GLI2: variants seen among roughly 807,000 people sequenced by gnomAD.
The protein encoded by GLI2 is transcription activator GLI2.
GLI2 carries 22 observed loss-of-function variants against 78.9 expected under a neutral mutation model. That is an observed-to-expected ratio of 0.28 (90% CI 0.20 to 0.40). The LOEUF (loss-of-function observed/expected upper bound fraction) is 0.40, where lower values mean the gene tolerates loss of function less well. Ranked by LOEUF, GLI2 falls within the 10% of genes least tolerant of loss-of-function variation. GLI2 has a pLI of 1.00. For missense variants in GLI2, 2,097 were observed against 2,213.2 expected (o/e 0.95, Z 1.05); for synonymous variants, 974 against 963.7 (o/e 1.01, Z -0.20).
At chr2:120,966,679 C>T (rs1311374881) in intron 5 of GLI2, among the ~76,000 whole-genome samples, 4 of 152,202 alleles carry the variant, frequency 2.6e-5, no homozygotes, top group African/African-American at 7.2e-5. Flanking sequence ...GGGGCTGGGC[C>T]GGGCATGGTT....
chr2:120,815,305 G>C (rs1338663901), intron 2 of GLI2, among the ~76,000 whole-genome samples: 1 of 152,184 alleles, frequency 6.6e-6, no homozygotes, highest in Admixed American at 6.5e-5. Context: ...TGAAGCCGGG[G>C]AGAGAAAGCA....
chr2:120,864,540 C>T (rs369781046), intron 2 of GLI2, among the ~76,000 whole-genome samples: 3 of 152,222 alleles, frequency 2.0e-5, no homozygotes, highest in East Asian at 3.9e-4. Context: ...GGCACGATCT[C>T]GGCTCACTGC....
At chr2:120,897,715 T>G (rs76002107) in intron 2 of GLI2, among the ~76,000 whole-genome samples, 262 of 152,352 alleles carry the variant, frequency 1.7e-3, no homozygotes, top group African/African-American at 5.7e-3. Flanking sequence ...CGTTAACATG[T>G]CTGATCTCAG....
At chr2:120,817,239 G>A (rs992154666) in intron 2 of GLI2, among the ~76,000 whole-genome samples, 1 of 152,210 alleles carries the variant, frequency 6.6e-6, no homozygotes, top group Non-Finnish European at 1.5e-5. Flanking sequence ...ACCACACAGG[G>A]AAGTGCGTAA....
At chr2:120,892,689 T>C in intron 2 of GLI2, among the ~76,000 whole-genome samples, 1 of 152,220 alleles carries the variant, frequency 6.6e-6, no homozygotes, top group East Asian at 1.9e-4. Flanking sequence ...AACAAATGTC[T>C]ATGGCAGAAC....
At chr2:120,881,901 T>G (rs533874237) in intron 2 of GLI2, among the ~76,000 whole-genome samples, 1 of 151,748 alleles carries the variant, frequency 6.6e-6, no homozygotes, top group South Asian at 2.1e-4. Flanking sequence ...CATGAACTTT[T>G]GGAATAGCAA....
intron 1 of GLI2, among the ~76,000 whole-genome samples, chr2:120,748,356 C>T (rs1192299944): frequency 6.6e-6 from 1 of 152,172 alleles, no homozygotes; most frequent in Non-Finnish European, 1.5e-5. Context: ...TTTAATTAAC[C>T]AGTTTGCCTG....
At chr2:120,745,214 G>A (rs1440183110) in intron 1 of GLI2, among the ~76,000 whole-genome samples, 2 of 152,196 alleles carry the variant, frequency 1.3e-5, no homozygotes, top group Non-Finnish European at 2.9e-5. Context: ...TTTATGTGCT[G>A]TAGGTTCTGT....
In GLI2 at chr2:120,972,054, G is replaced by T. The variant is rs144819008; in HGVS notation, c.1173G>T (p.Ala391=). 2 of 1,613,150 alleles carry T rather than the reference G, an allele frequency of 1.2e-6. No individual in the cohort carries two copies. Among genetic ancestry groups the T allele is most frequent in the African/African-American group, 1.3e-5 (1 of 75,046 alleles). Residue 391 remains alanine, a synonymous_variant, in exon 8 of 14, where the codon GCG becomes GCT. Coordinates refer to ENST00000361492, the MANE Select transcript of GLI2 (RefSeq NM_001374353.1). ...GCCTGCGGCCGGCCTCCCCTCTGGC[G>T]CTGACGCAGGTAACCTGCTGCCAGC... is the stretch of plus-strand genomic sequence containing the variant. The part of the protein sequence containing the change: ...PEGLRPASPL[A]LTQEQLADLK...
chr2:120,883,288 C>A lies in GLI2; in HGVS notation c.149-44073C>A, dbSNP rs112319821. On this transcript the variant is annotated intron_variant, in intron 2 of 13. Transcript: ENST00000361492. The stretch of plus-strand genomic sequence containing the variant: ...ATCGCTTGAGCCCAGGAGTTTGAGA[C>A]AAGCCTGGGCAACATGGCAAAACCC... 8.5e-3 allele frequency among the ~76,000 whole-genome samples: 1,288 copies of A among 152,204 alleles called. 11 individuals carry two copies. Among genetic ancestry groups the A allele is most frequent in the Non-Finnish European group, 0.014 (979 of 68,004 alleles).
intron 2 of GLI2, among the ~76,000 whole-genome samples, chr2:120,881,054 C>T (rs967455637): frequency 6.6e-6 from 1 of 152,234 alleles, no homozygotes; most frequent in African/African-American, 2.4e-5. Context: ...GGGGGCAAGT[C>T]ACTAACCTTA....
chr2:120,740,863 A>AGAGGGAG (rs1452294086), intron 1 of GLI2, among the ~76,000 whole-genome samples: 1 of 152,096 alleles, frequency 6.6e-6, no homozygotes, highest in Admixed American at 6.5e-5. Flanking sequence ...GCAGGCAGCT[A>AGAGGGAG]GAGGGAGGAG....
At chr2:120,801,023 C>T (rs572959878) in intron 2 of GLI2, among the ~76,000 whole-genome samples, 1 of 152,324 alleles carries the variant, frequency 6.6e-6, no homozygotes, top group Admixed American at 6.5e-5. Context: ...CATGCAGCCT[C>T]CCCCACCCCT....
chr2:120,785,998 G>T (rs1683986607), intron 1 of GLI2, among the ~76,000 whole-genome samples: 1 of 152,204 alleles, frequency 6.6e-6, no homozygotes, highest in South Asian at 2.1e-4. Context: ...CTTTCTGGGT[G>T]CCAGACTCTG....
chr2:120,747,056 T>C (rs1682716817), intron 1 of GLI2, among the ~76,000 whole-genome samples: 1 of 152,242 alleles, frequency 6.6e-6, no homozygotes, highest in South Asian at 2.1e-4. Context: ...AATACTGGGA[T>C]AGACATCCTT....
chr2:120,820,685 C>T (rs56683803), intron 2 of GLI2, among the ~76,000 whole-genome samples: 3,639 of 152,348 alleles, frequency 0.024, 133 homozygotes, highest in African/African-American at 0.082. Context: ...GAGAGTTAGC[C>T]TTCTGCTGTG....
At chr2:120,938,671 A>G (rs1355550506) in intron 3 of GLI2, among the ~76,000 whole-genome samples, 1 of 152,244 alleles carries the variant, frequency 6.6e-6, no homozygotes, top group Admixed American at 6.5e-5. Context: ...GGGTGAGTGC[A>G]GGTCGCATAT....
chr2:120,789,029 C>CTT (rs765758623), intron 1 of GLI2, among the ~76,000 whole-genome samples: 1,907 of 135,144 alleles, frequency 0.014, 67 homozygotes, highest in African/African-American at 0.053. Context: ...TTATTTCTTT[C>CTT]TTTCTTTTTT....
At chr2:120,818,427 C>G (rs1685606855) in intron 2 of GLI2, among the ~76,000 whole-genome samples, 1 of 152,228 alleles carries the variant, frequency 6.6e-6, no homozygotes, top group South Asian at 2.1e-4. Flanking sequence ...CTGGCTGGGC[C>G]TAGTCTGGGT....
Sources: gnomAD v4.1 joint callset for allele counts (sites outside exome capture counted in the v4.1 genomes callset) on GRCh38, gnomAD v4.1.1 for gene constraint, MANE v1.5 for transcripts, NCBI Gene and HGNC (gene_info 2026-07-23, HGNC 2026-07-21) for gene names.